RORA: variants seen among roughly 807,000 people sequenced by gnomAD.
The protein encoded by RORA is RAR related orphan receptor A, also known as nuclear receptor ROR-alpha.
In RORA, 7 loss-of-function variants were observed where a neutral mutation model predicts 69.5. The ratio of observed to expected loss-of-function variants is 0.10; its 90% CI spans 0.06 to 0.19. RORA has a LOEUF of 0.19. RORA is among the 10% of genes least tolerant of loss of function. The pLI is 1.00. For synonymous variants in RORA, 261 were observed against 240.8 expected (o/e 1.08, Z -0.78); for missense variants, 457 against 663.0 (o/e 0.69, Z 3.41).
At chr15:60,773,669 T>C (rs887033597) in intron 1 of RORA, among the ~76,000 whole-genome samples, 4 of 152,176 alleles carry the variant, frequency 2.6e-5, no homozygotes. Flanking sequence ...GAGAAATAAC[T>C]TAGTGAAGGT....
chr15:60,701,113 G>A (rs990096807), intron 1 of RORA, among the ~76,000 whole-genome samples: 6 of 152,150 alleles, frequency 3.9e-5, no homozygotes, highest in South Asian at 4.1e-4. Flanking sequence ...CTCCCACCAC[G>A]TACATTCATC....
chr15:60,854,077 C>G (rs972028767), intron 1 of RORA, among the ~76,000 whole-genome samples: 3 of 152,128 alleles, frequency 2.0e-5, no homozygotes, highest in Non-Finnish European at 4.4e-5. Context: ...TCCTGACCAA[C>G]ATGGTGAAAC....
At chr15:60,630,894 T>TTTC (rs1177362565) in intron 2 of RORA, among the ~76,000 whole-genome samples, 3 of 140,188 alleles carry the variant, frequency 2.1e-5, no homozygotes, top group African/African-American at 8.2e-5. Flanking sequence ...CTTTCTTTTT[T>TTTC]TTTTTTTTTT....
intron 1 of RORA, among the ~76,000 whole-genome samples, chr15:60,846,913 T>A (rs1028315325): frequency 6.6e-6 from 1 of 152,256 alleles, no homozygotes; most frequent in Non-Finnish European, 1.5e-5. Context: ...TTATTTTCTG[T>A]TTCATAACCC....
intron 1 of RORA, among the ~76,000 whole-genome samples, chr15:60,866,949 A>C (rs1475611713): frequency 6.6e-6 from 1 of 151,950 alleles, no homozygotes; most frequent in Non-Finnish European, 1.5e-5. Context: ...CACTGTAACC[A>C]CTGCCTGCAG....
chr15:60,720,961 C>T (rs1303730329), intron 1 of RORA, among the ~76,000 whole-genome samples: 7 of 152,136 alleles, frequency 4.6e-5, no homozygotes, highest in African/African-American at 1.4e-4. Flanking sequence ...CTTTGTGGTA[C>T]TCTCGAACTT....
intron 1 of RORA, among the ~76,000 whole-genome samples, chr15:60,727,677 TA>T (rs200733946): frequency 2.0e-5 from 3 of 150,998 alleles, no homozygotes; most frequent in African/African-American, 7.3e-5. Context: ...TTTGGGACTT[TA>T]AAAAAAAATG....
At chr15:60,613,919 C>T (rs2069160824) in intron 2 of RORA, among the ~76,000 whole-genome samples, 1 of 149,706 alleles carries the variant, frequency 6.7e-6, no homozygotes, top group African/African-American at 2.5e-5. Flanking sequence ...AGACAAACAA[C>T]TGATATCTCA....
chr15:61,065,246 T>A (rs1268844296), intron 1 of RORA, among the ~76,000 whole-genome samples: 1 of 152,238 alleles, frequency 6.6e-6, no homozygotes, highest in African/African-American at 2.4e-5. Flanking sequence ...TGTTTGTAAC[T>A]GTTTTATTTA....
intron 1 of RORA, among the ~76,000 whole-genome samples, chr15:60,767,013 C>T (rs2072001987): frequency 6.6e-6 from 1 of 152,112 alleles, no homozygotes; most frequent in Non-Finnish European, 1.5e-5. Context: ...TTGTGTATGG[C>T]CCAAAGACAT....
intron 1 of RORA, among the ~76,000 whole-genome samples, chr15:61,048,229 A>G (rs1479678912): frequency 1.3e-5 from 2 of 152,190 alleles, no homozygotes; most frequent in Non-Finnish European, 2.9e-5. Flanking sequence ...AATTATATGC[A>G]GGTCTGCTTG....
intron 2 of RORA, among the ~76,000 whole-genome samples, chr15:60,605,223 CA>C (rs71888612): frequency 0.49 from 73,566 of 149,890 alleles, 18,084 homozygotes; most frequent in East Asian, 0.6. Context: ...TACTCCATTT[CA>C]AAAAAAAAAA....
intron 1 of RORA, among the ~76,000 whole-genome samples, chr15:60,854,515 T>C (rs139023484): frequency 6.6e-6 from 1 of 152,248 alleles, no homozygotes; most frequent in African/African-American, 2.4e-5. Flanking sequence ...AACTATTTCG[T>C]TGGGTTGATA....
intron 1 of RORA, among the ~76,000 whole-genome samples, chr15:61,011,172 T>C (rs1221061930): frequency 6.6e-6 from 1 of 152,122 alleles, no homozygotes; most frequent in Non-Finnish European, 1.5e-5. Flanking sequence ...CTTCTTGTCA[T>C]TTCCTTCCTC....
intron 1 of RORA, among the ~76,000 whole-genome samples, chr15:60,786,827 A>G (rs1453011588): frequency 6.6e-6 from 1 of 152,198 alleles, no homozygotes; most frequent in Non-Finnish European, 1.5e-5. Flanking sequence ...CTCACTCAGC[A>G]ACAGCTGTGC....
chr15:60,587,975 C>T (rs1341420122), intron 2 of RORA, among the ~76,000 whole-genome samples: 2 of 152,094 alleles, frequency 1.3e-5, no homozygotes, highest in East Asian at 1.9e-4. Flanking sequence ...AAAATACTGA[C>T]GGATAGAAAA....
chr15:61,113,584 C>T (rs2079025530), intron 1 of RORA, among the ~76,000 whole-genome samples: 1 of 152,194 alleles, frequency 6.6e-6, no homozygotes. Flanking sequence ...CCTCCAGTGC[C>T]TGCGGTTATT....
intron 1 of RORA, among the ~76,000 whole-genome samples, chr15:60,908,058 A>C (rs1891596518): frequency 1.3e-5 from 2 of 152,192 alleles, no homozygotes; most frequent in African/African-American, 2.4e-5. Flanking sequence ...CCAGATACAC[A>C]CTGACCACAT....
intron 2 of RORA, among the ~76,000 whole-genome samples, chr15:60,614,481 C>T (rs373062377): frequency 3.3e-4 from 50 of 152,224 alleles, no homozygotes; most frequent in African/African-American, 1.2e-3. Context: ...TGGAGTGTTT[C>T]TGTGTATTTT....
Sources: allele counts gnomAD v4.1 joint callset (sites outside exome capture counted in the v4.1 genomes callset), GRCh38; gene constraint gnomAD v4.1.1; transcripts MANE v1.5; gene names NCBI Gene and HGNC (gene_info 2026-07-23, HGNC 2026-07-21).